PIWIL1: variants seen among roughly 807,000 people sequenced by gnomAD.
PIWIL1 encodes piwi like RNA-mediated gene silencing 1, also known as piwi-like protein 1.
Under a neutral mutation model 114.4 loss-of-function variants are expected in PIWIL1, and 73 were observed. The observed-to-expected ratio is 0.64, with a 90% CI of 0.53 to 0.78. The LOEUF is 0.78. Ranked by LOEUF, PIWIL1 falls within the 30% of genes least tolerant of loss-of-function variation. PIWIL1 has a pLI of 0.00. For missense variants in PIWIL1, 723 were observed against 1,063.1 expected, an observed-to-expected ratio of 0.68 and a Z score of 4.45; for synonymous variants, 375 against 369.0, an observed-to-expected ratio of 1.02 and a Z score of -0.19.
At chr12:130,353,211 T>C (rs1424892120) in intron 9 of PIWIL1, among the ~76,000 whole-genome samples, 5 of 151,968 alleles carry the variant, frequency 3.3e-5, no homozygotes, top group Non-Finnish European at 7.4e-5. Context: ...TTTTTTGTTC[T>C]TCTGGTGTGC....
At chr12:130,393,013 T>C in the PIWIL1 span, among the ~76,000 whole-genome samples, 1 of 148,766 alleles carries the variant, frequency 6.7e-6, no homozygotes, top group Non-Finnish European at 1.5e-5. Flanking sequence ...TTGAATGTTG[T>C]GATGACCCGG....
chr12:130,371,599 C>T lies in PIWIL1; in HGVS notation c.*1C>T, dbSNP rs1009278869. 1.3e-6 allele frequency: 2 copies of T among 1,561,954 alleles called. No homozygotes were observed. Among genetic ancestry groups the T allele is most frequent in the African/African-American group, 2.7e-5 (2 of 73,832 alleles). ...GTCAAACCGCCTTTACTACCTCTAACCTGCAGAAGACGATGCAGCCGCTTT... is the reference window on the plus strand; with the variant it reads ...GTCAAACCGCCTTTACTACCTCTAATCTGCAGAAGACGATGCAGCCGCTTT... On this transcript the variant is annotated 3_prime_UTR_variant, in exon 21 of 21. Coordinates refer to ENST00000245255, the MANE Select transcript of PIWIL1 (RefSeq NM_004764.5).
chr12:130,363,612 CTT>C (rs34198016), intron 18 of PIWIL1, among the ~76,000 whole-genome samples: 3,364 of 82,210 alleles, frequency 0.041, 73 homozygotes, highest in African/African-American at 0.16. Context: ...TACTTTCTCC[CTT>C]TTTTTTTTTT....
intron 9 of PIWIL1, among the ~76,000 whole-genome samples, chr12:130,350,734 T>C (rs540584820): frequency 6.6e-6 from 1 of 152,346 alleles, no homozygotes; most frequent in South Asian, 2.1e-4. Context: ...TGTCTTTGAA[T>C]TGCTAACATT....
the PIWIL1 span, among the ~76,000 whole-genome samples, chr12:130,404,576 C>T: frequency 2.6e-4 from 40 of 152,252 alleles, no homozygotes; most frequent in East Asian, 7.1e-3. Context: ...TCACCGTGCC[C>T]GGCCGTTGGA....
At chr12:130,394,353 G>A in the PIWIL1 span, among the ~76,000 whole-genome samples, 340 of 152,346 alleles carry the variant, frequency 2.2e-3, 3 homozygotes, top group South Asian at 3.9e-3. Context: ...GAGCTTGCAC[G>A]CGGAGGTGCA....
the PIWIL1 span, among the ~76,000 whole-genome samples, chr12:130,386,119 C>A: frequency 1.3e-5 from 2 of 152,166 alleles, no homozygotes; most frequent in Non-Finnish European, 2.9e-5. Flanking sequence ...GACTTTGTCT[C>A]TGATCCTCTT....
intron 18 of PIWIL1, among the ~76,000 whole-genome samples, chr12:130,366,098 C>T (rs1329881942): frequency 6.6e-6 from 1 of 152,204 alleles, no homozygotes; most frequent in African/African-American, 2.4e-5. Context: ...TGCTTCCCAG[C>T]ATTGGAAATC....
rs940119002 is a variant in PIWIL1, at chr12:130,371,686, C to A, written c.*88C>A. ...TATTTACTTTTTTTTTAACTGTTAT[C>A]TTTCTGGATGAAACTTGGGAAGGGG... On this transcript the variant is annotated 3_prime_UTR_variant, in exon 21 of 21. Coordinates refer to ENST00000245255, the MANE Select transcript of PIWIL1 (RefSeq NM_004764.5). 9 of 811,610 alleles carry A rather than the reference C, an allele frequency of 1.1e-5. No homozygotes were observed. The Admixed American group carries it at 1.2e-4, about 11-fold the overall frequency. The allele number at this position is 811,610 out of a possible 1,614,324, so 50.3% of individuals were successfully genotyped here.
the PIWIL1 span, chr12:130,407,756 G>A: frequency 1.9e-6 from 3 of 1,614,152 alleles, no homozygotes; most frequent in Middle Eastern, 3.3e-4. Flanking sequence ...AGCTTTCTCT[G>A]GGGTCGTAGT....
intron 17 of PIWIL1, 59 bp from the exon 18 acceptor site, chr12:130,362,932 G>A: frequency 6.2e-7 from 1 of 1,611,782 alleles, no homozygotes; most frequent in South Asian, 1.1e-5. Context: ...ACTTTGGGAA[G>A]AACAGACGAG....
intron 3 of PIWIL1, among the ~76,000 whole-genome samples, chr12:130,344,804 C>G (rs555262421): frequency 6.6e-6 from 1 of 152,308 alleles, no homozygotes; most frequent in South Asian, 2.1e-4. Flanking sequence ...CAGCTATTGG[C>G]TCTCTTATGG....
At chr12:130,419,051 C>T in the PIWIL1 span, among the ~76,000 whole-genome samples, 1 of 152,174 alleles carries the variant, frequency 6.6e-6, no homozygotes, top group Non-Finnish European at 1.5e-5. The surrounding 1 kb of genome is among the most constrained non-coding windows in gnomAD (Gnocchi z 4.3). Flanking sequence ...GGTGACTCCA[C>T]CGTATGTTCT....
downstream of PIWIL1, among the ~76,000 whole-genome samples, chr12:130,374,819 T>A (rs2073853984): frequency 6.6e-6 from 1 of 152,146 alleles, no homozygotes; most frequent in African/African-American, 2.4e-5. Flanking sequence ...TTTGACACCA[T>A]CCCCTGCTCC....
chr12:130,421,354 T>C, the PIWIL1 span, among the ~76,000 whole-genome samples: 2 of 152,222 alleles, frequency 1.3e-5, no homozygotes, highest in African/African-American at 4.8e-5. Context: ...CTAAGGATCT[T>C]TAACATTGCA....
At chr12:130,364,219 T>A (rs1379525559) in intron 18 of PIWIL1, among the ~76,000 whole-genome samples, 1 of 152,218 alleles carries the variant, frequency 6.6e-6, no homozygotes, top group Non-Finnish European at 1.5e-5. Flanking sequence ...ATTTGGAAGA[T>A]CTTGGATCCT....
intron 12 of PIWIL1, 104 bp downstream of exon 12, chr12:130,355,771 C>T (rs537526453): frequency 4.6e-5 from 36 of 785,822 alleles, no homozygotes; most frequent in African/African-American, 3.8e-4. Context: ...CTGCAAGCTC[C>T]GAGTAAGGCA....
the PIWIL1 span, among the ~76,000 whole-genome samples, chr12:130,378,055 A>C: frequency 1.3e-5 from 2 of 152,252 alleles, no homozygotes; most frequent in Admixed American, 6.5e-5. Context: ...AAATGAATAC[A>C]GTGTAATGAG....
chr12:130,375,631 GCTTTAGTATTTTT>G (rs1184253799), downstream of PIWIL1, among the ~76,000 whole-genome samples: 1 of 152,092 alleles, frequency 6.6e-6, no homozygotes, highest in African/African-American at 2.4e-5. Flanking sequence ...TTGTTTCCCT[GCTTTAGTATTTTT>G]CTTTTCCTAT....
Sources: allele counts gnomAD v4.1 joint callset (sites outside exome capture counted in the v4.1 genomes callset), GRCh38; gene constraint gnomAD v4.1.1; non-coding constraint Gnocchi (gnomAD v3.1); transcripts MANE v1.5; gene names NCBI Gene and HGNC (gene_info 2026-07-23, HGNC 2026-07-21).